DNAH3: variants seen among roughly 807,000 people sequenced by gnomAD.
DNAH3 encodes dynein axonemal heavy chain 3.
A neutral mutation model predicts 432.5 loss-of-function variants in DNAH3; 332 were observed. The ratio of observed to expected loss-of-function variants is 0.77; its 90% CI spans 0.70 to 0.84. The LOEUF is 0.84. Among genes scored for constraint, DNAH3 ranks in the 40% least tolerant of loss-of-function variants. DNAH3 has a pLI of 0.00. For synonymous variants in DNAH3, 1,956 were observed against 1,900.2 expected (o/e 1.03, Z -0.76); for missense variants, 4,861 against 5,114.0 (o/e 0.95, Z 1.51).
At chr16:21,125,104 C>G in intron 9 of DNAH3, 71 bp downstream of exon 10, 1 of 1,324,068 alleles carries the variant, frequency 7.6e-7, no homozygotes, top group Admixed American at 2.3e-5. Flanking sequence ...ACGTACATGA[C>G]AGAGTCCTGG....
At chr16:21,076,049 G>A (rs1304064684) in intron 20 of DNAH3, among the ~76,000 whole-genome samples, 1 of 151,988 alleles carries the variant, frequency 6.6e-6, no homozygotes, top group African/African-American at 2.4e-5. Context: ...TGTTTTGCAG[G>A]GTTTCTCACC....
At chr16:21,031,505 G>A (rs2088871127) in intron 36 of DNAH3, among the ~76,000 whole-genome samples, 1 of 152,000 alleles carries the variant, frequency 6.6e-6, no homozygotes, top group African/African-American at 2.4e-5. Context: ...GGGAGGCCAG[G>A]ATGGGAGGAT....
At chr16:21,031,606 A>C (rs1020432676) in intron 36 of DNAH3, among the ~76,000 whole-genome samples, 1 of 152,166 alleles carries the variant, frequency 6.6e-6, no homozygotes, top group Non-Finnish European at 1.5e-5. Flanking sequence ...TCTCTCAAAA[A>C]AAAAAAAAAG....
intron 50 of DNAH3, among the ~76,000 whole-genome samples, chr16:20,977,740 G>A (rs2085662129): frequency 1.3e-5 from 2 of 152,198 alleles, no homozygotes; most frequent in South Asian, 2.1e-4. Flanking sequence ...AGATGGTAAC[G>A]ATACTTTCTT....
chr16:21,112,431 G>C lies in DNAH3; in HGVS notation c.1815-333C>G, dbSNP rs1597398795. Among the ~76,000 whole-genome samples the C allele has an allele frequency of 2.0e-5, 3 of 152,164 alleles. No homozygotes were observed. The South Asian group carries it at 6.2e-4, about 31-fold the overall frequency. On this transcript the variant is annotated intron_variant, in intron 12 of 61. Coordinates refer to ENST00000261383, the Ensembl canonical transcript of DNAH3. ...TTAATTGGACTTACAGTTCCACATGGCTGGGGAGGCCTCAGATCATGGTGG... is the reference window on the plus strand; with the variant it reads ...TTAATTGGACTTACAGTTCCACATGCCTGGGGAGGCCTCAGATCATGGTGG...
chr16:21,019,249 C>CG (rs2152709194), intron 41 of DNAH3: 1 of 228,086 alleles, frequency 4.4e-6, no homozygotes, highest in Admixed American at 5.3e-5. Context: ...CTCTACCTCC[C>CG]GGACTCAAGC....
chr16:21,049,909 C>A lies in DNAH3; in HGVS notation c.4347+1G>T, dbSNP rs144753966. On this transcript the variant is annotated splice_donor_variant, in intron 30 of 61. Coordinates refer to ENST00000261383, the Ensembl canonical transcript of DNAH3. LOFTEE classifies it high-confidence loss of function. ...GGAGGGGATAGATGGCATTTGCTTA[C>A]CTGCTTAGCCAAGGCTTTGGCCAAA... The A allele has an allele frequency of 2.5e-6, 4 of 1,613,050 alleles. No individual in the cohort carries two copies. The Admixed American group carries it at 6.7e-5, about 27-fold the overall frequency.
At chr16:20,968,200 C>G (rs565069099) in intron 52 of DNAH3, among the ~76,000 whole-genome samples, 138 of 152,268 alleles carry the variant, frequency 9.1e-4, no homozygotes, top group African/African-American at 3.1e-3. Context: ...TCCTGAGCAG[C>G]TGGGACTACA....
exon 32 of DNAH3, chr16:21,042,111 C>T: frequency 1.2e-6 from 2 of 1,613,838 alleles, no homozygotes; most frequent in Non-Finnish European, 1.7e-6. Context: ...TCAGAGAGAG[C>T]TCAGTCCCTT....
At chr16:21,136,065 G>A (rs1277930074) in intron 6 of DNAH3, among the ~76,000 whole-genome samples, 1 of 151,994 alleles carries the variant, frequency 6.6e-6, no homozygotes, top group Non-Finnish European at 1.5e-5. Flanking sequence ...GTTAAATGAT[G>A]TTTTGGGTAT....
At chr16:21,024,204 G>A (rs1405634427) in intron 39 of DNAH3, among the ~76,000 whole-genome samples, 1 of 152,128 alleles carries the variant, frequency 6.6e-6, no homozygotes, top group Non-Finnish European at 1.5e-5. Context: ...TTACAGGGAT[G>A]GGAATTGGCA....
chr16:20,971,569 A>G (rs3115435), intron 51 of DNAH3, among the ~76,000 whole-genome samples: 76,604 of 151,904 alleles, frequency 0.5, 19,568 homozygotes, highest in South Asian at 0.6. Flanking sequence ...ACTCCCTGGA[A>G]GAGGGATGGG....
At position 20,969,988 on chromosome 16, in the gene DNAH3, G is replaced by T. The variant is rs1239434887; in HGVS notation, c.8262C>A (p.Asn2754Lys). 2.5e-6 allele frequency: 4 copies of T among 1,613,656 alleles called. No homozygotes were observed. Among genetic ancestry groups the T allele is most frequent in the Admixed American group, 1.7e-5 (1 of 59,988 alleles). The change falls in exon 52 of 62, where the codon AAC (asparagine) becomes AAA (lysine). Residue 2754 changes from asparagine to lysine, a missense_variant and splice_region_variant. Coordinates refer to ENST00000261383, the Ensembl canonical transcript of DNAH3. Reference sequence around the variant, plus strand: ...CCTCAGCTAGGTCCCCCTCACATTCGTTCTGTGGGCGGCATGAGGACAAAG... The same window carrying T: ...CCTCAGCTAGGTCCCCCTCACATTCTTTCTGTGGGCGGCATGAGGACAAAG...
chr16:21,072,512 A>G lies in DNAH3; in HGVS notation c.3085-1686T>C, dbSNP rs2090827066. On this transcript the variant is annotated intron_variant, in intron 21 of 61. Transcript: ENST00000261383. ...GGGCTAATTTTTGTACTTTTAGCAGAGATGGGGTTTCACCATGTTGGCAAG... is the reference window on the plus strand; with the variant it reads ...GGGCTAATTTTTGTACTTTTAGCAGGGATGGGGTTTCACCATGTTGGCAAG... Among the ~76,000 whole-genome samples the G allele has an allele frequency of 2.0e-5, 3 of 152,112 alleles. No individual in the cohort carries two copies. In the South Asian group the frequency reaches 6.2e-4, roughly 32 times the overall value.
rs543221451 is a variant in DNAH3 at position 20,955,834 on chromosome 16, T to A, written c.10827-777A>T. Among the ~76,000 whole-genome samples, 25 of 152,312 alleles carry A rather than the reference T, an allele frequency of 1.6e-4. No homozygotes were observed. In the South Asian group the frequency reaches 5.0e-3, roughly 30 times the overall value. ...ATATGTAAAAGTGTTTAGAAGAAAC[T>A]AGAATTGATAATTTTACCACCTATA... On this transcript the variant is annotated intron_variant, in intron 54 of 61. Transcript: ENST00000261383.
chr16:21,086,959 G>A, exon 19 of DNAH3: 3 of 1,614,148 alleles, frequency 1.9e-6, no homozygotes, highest in South Asian at 1.1e-5. Context: ...AAGCGCCTGG[G>A]TGCAGGCACA....
At chr16:20,975,198 C>T (rs1406630353) in intron 51 of DNAH3, 35 bp downstream of exon 51, 1 of 1,608,462 alleles carries the variant, frequency 6.2e-7, no homozygotes, top group Non-Finnish European at 8.5e-7. Context: ...CATTCGGCAG[C>T]ACCAGTTCCC....
At chr16:20,999,054 C>T (rs2086895652) in intron 43 of DNAH3, among the ~76,000 whole-genome samples, 2 of 151,974 alleles carry the variant, frequency 1.3e-5, no homozygotes, top group African/African-American at 4.8e-5. Context: ...GCCAGGAGTT[C>T]GACCACCTGG....
In DNAH3 at chr16:20,969,292, ATGTG is replaced by A. The variant is rs35457410; in HGVS notation, c.8458+496_8458+499del. On this transcript the variant is annotated intron_variant, in intron 52 of 61. Transcript: ENST00000261383. ...TCTCTGTGTGCATGCATGTGTGTGCATGTGTGTGTGTGTGTGCATGCATGCATGC... is the reference window on the plus strand; with the variant it reads ...TCTCTGTGTGCATGCATGTGTGTGCATGTGTGTGTGTGCATGCATGCATGC... Among the ~76,000 whole-genome samples, 1,154 of 146,024 alleles carry A rather than the reference ATGTG, an allele frequency of 7.9e-3. 14 individuals carry two copies. Among genetic ancestry groups the A allele is most frequent in the African/African-American group, 0.028 (1,101 of 39,418 alleles).
Sources: allele counts gnomAD v4.1 joint callset (sites outside exome capture counted in the v4.1 genomes callset), GRCh38; gene constraint gnomAD v4.1.1; transcripts MANE v1.5; gene names NCBI Gene and HGNC (gene_info 2026-07-23, HGNC 2026-07-21).